The following ZNF462 variants were observed in gnomAD, a reference collection of about 807,000 sequenced individuals.
The protein encoded by ZNF462 is zinc finger protein 462.
In ZNF462, 10 loss-of-function variants were observed where a neutral mutation model predicts 201.9. The observed-to-expected ratio is 0.05, with a 90% CI of 0.03 to 0.08. The LOEUF is 0.08. Among genes scored for constraint, ZNF462 ranks in the 10% least tolerant of loss-of-function variants. The pLI is 1.00. For synonymous variants in ZNF462, 1,227 were observed against 1,193.3 expected, an observed-to-expected ratio of 1.03 and a Z score of -0.58; for missense variants, 2,523 against 3,168.3, an observed-to-expected ratio of 0.80 and a Z score of 4.89.
At chr9:106,864,627 A>C (rs1159539717) in intron 1 of ZNF462, among the ~76,000 whole-genome samples, 4 of 152,084 alleles carry the variant, frequency 2.6e-5, no homozygotes, top group Admixed American at 2.6e-4. Context: ...TGTGGCTTCT[A>C]ACCTACAGAG....
At position 106,890,186 on chromosome 9, in the gene ZNF462, A is replaced by G. The variant is rs186491248; in HGVS notation, c.-31+26831A>G. On this transcript the variant is annotated intron_variant, in intron 1 of 12. Coordinates refer to ENST00000277225, the MANE Select transcript of ZNF462 (RefSeq NM_021224.6). The surrounding 1 kb of genome is among the most constrained non-coding windows in gnomAD (Gnocchi z 4.2). ...GTGGTGGCATTTAGCTCTTTTGGCA[A>G]TAAAAACTATATGTGAGAATTTCGT... Among the ~76,000 whole-genome samples, 2 of 152,354 alleles carry G rather than the reference A, an allele frequency of 1.3e-5. No homozygotes were observed. The highest frequency in any genetic ancestry group is 2.1e-4 in the South Asian group (1 of 4,828).
Position 106,984,046 on chromosome 9 carries a change from G to A in ZNF462, c.6833-140G>A, listed in dbSNP as rs1827645338. ...TGTTTGGGGGTTAGGGGAGGGGCAG[G>A]GTGCATGTGTGTCAGTTCAAGGAAC... On this transcript the variant is annotated intron_variant, in intron 9 of 12. Transcript: ENST00000277225. This position sits in a 1 kb window ranked among gnomAD's most constrained non-coding sequence, Gnocchi z 6.4. 1.4e-6 allele frequency: 1 copy of A among 690,096 alleles called. No individual in the cohort carries two copies. The highest frequency in any genetic ancestry group is 2.4e-6 in the Non-Finnish European group (1 of 412,456). The allele number at this position is 690,096 out of a possible 1,614,324, so 42.7% of individuals were successfully genotyped here. A position where few individuals can be genotyped will look rare whatever the true frequency, so the allele number is the denominator to read the frequency against.
intron 1 of ZNF462, among the ~76,000 whole-genome samples, chr9:106,899,239 T>TGGGGGGGGG (rs71384992): frequency 1.7e-5 from 1 of 57,502 alleles, no homozygotes; most frequent in Non-Finnish European, 3.8e-5. Flanking sequence ...TGTGTGTGTG[T>TGGGGGGGGG]GGGGGGGGGG....
Position 106,927,668 on chromosome 9 carries a change from C to G in ZNF462, c.3756C>G (p.Pro1252=), listed in dbSNP as rs1453515767. ...CTGCCAGCTGCGTGCTTGTCTCCCCCTCTAATCTGGAGCGGGACAAAACGA... is the reference window on the plus strand; with the variant it reads ...CTGCCAGCTGCGTGCTTGTCTCCCCGTCTAATCTGGAGCGGGACAAAACGA... ...KKPASCVLVS[P]SNLERDKTKL... The change falls in exon 3 of 13, where the codon CCC becomes CCG. Residue 1252 remains proline, a synonymous_variant. Coordinates refer to ENST00000277225, the MANE Select transcript of ZNF462 (RefSeq NM_021224.6). 4 of 1,614,118 alleles carry G rather than the reference C, an allele frequency of 2.5e-6. No individual in the cohort carries two copies. The highest frequency in any genetic ancestry group is 1.3e-5 in the African/African-American group (1 of 75,028).
At position 106,929,492 on chromosome 9, in the gene ZNF462, G is replaced by A. The variant is rs1424587825; in HGVS notation, c.5580G>A (p.Glu1860=). 6.2e-7 allele frequency: 1 copy of A among 1,614,034 alleles called. No homozygotes were observed. The highest frequency in any genetic ancestry group is 8.5e-7 in the Non-Finnish European group (1 of 1,180,038). The change falls in exon 3 of 13, where the codon GAG becomes GAA. Residue 1860 remains glutamate, a synonymous_variant. Coordinates refer to ENST00000277225, the MANE Select transcript of ZNF462 (RefSeq NM_021224.6). This position sits in a 1 kb window ranked among gnomAD's most constrained non-coding sequence, Gnocchi z 8.7. ...KCFKLSFSTA[E]LLCMHYTDHH... ...TCAAGCTGTCCTTTAGCACTGCAGA[G>A]CTGCTGTGCATGCATTACACTGACC...
intron 7 of ZNF462, among the ~76,000 whole-genome samples, chr9:106,951,913 CTCTT>C (rs957109164): frequency 1.3e-4 from 19 of 151,150 alleles, no homozygotes; most frequent in African/African-American, 4.6e-4. Flanking sequence ...TCAAGTGTGA[CTCTT>C]TCGGTGTATT....
rs183118868 is a variant in ZNF462 at position 106,988,461 on chromosome 9, A to T, written c.7056+4052A>T. 1.9e-3 allele frequency among the ~76,000 whole-genome samples: 287 copies of T among 152,110 alleles called. 2 individuals are homozygous for T. Among genetic ancestry groups the T allele is most frequent in the African/African-American group, 6.2e-3 (257 of 41,546 alleles). ...GATTTGGGTGGGGACACAGAGCTGA[A>T]CCATATCAGTGATGTCCTCAGAGTT... On this transcript the variant is annotated intron_variant, in intron 10 of 12. Coordinates refer to ENST00000277225, the MANE Select transcript of ZNF462 (RefSeq NM_021224.6).
chr9:107,000,247 T>C (rs1181920085), intron 10 of ZNF462, among the ~76,000 whole-genome samples: 1 of 151,822 alleles, frequency 6.6e-6, no homozygotes, highest in Non-Finnish European at 1.5e-5. Context: ...TGGGCCAGAA[T>C]AACATGAGAG....
Position 106,917,916 on chromosome 9 carries a change from A to T in ZNF462, c.-30-5438A>T, listed in dbSNP as rs1217447842. On this transcript the variant is annotated intron_variant, in intron 1 of 12. Transcript: ENST00000277225. This position sits in a 1 kb window ranked among gnomAD's most constrained non-coding sequence, Gnocchi z 4.5. ...TTTTGTGACAGAGTCTCACTCTGCC[A>T]CCCAGGCTGGAGTGCAGTGGCGCGA... Among the ~76,000 whole-genome samples, 3 of 150,958 alleles carry T rather than the reference A, an allele frequency of 2.0e-5. No homozygotes were observed. The highest frequency in any genetic ancestry group is 4.9e-5 in the African/African-American group (2 of 41,050).
In ZNF462 at chr9:107,001,128, G is replaced by A. The variant is rs1829156166; in HGVS notation, c.7057-2166G>A. On this transcript the variant is annotated intron_variant, in intron 10 of 12. Coordinates refer to ENST00000277225, the MANE Select transcript of ZNF462 (RefSeq NM_021224.6). ...GAGAAGTGCAGGAGAAAGTGGCCCA[G>A]GAAAGGCTGCCTTTTATGTGCTAGT... is the stretch of plus-strand genomic sequence containing the variant. Among the ~76,000 whole-genome samples the A allele has an allele frequency of 3.3e-5, 5 of 152,194 alleles. No homozygotes were observed. In the South Asian group the frequency reaches 8.3e-4, roughly 25 times the overall value.
chr9:106,882,747 G>A (rs1370827016), intron 1 of ZNF462, among the ~76,000 whole-genome samples: 1 of 151,898 alleles, frequency 6.6e-6, no homozygotes, highest in Admixed American at 6.5e-5. Context: ...ATTGGTTCTG[G>A]AGGAAACTCA....
At chr9:106,965,831 C>G (rs1253405255) in intron 7 of ZNF462, among the ~76,000 whole-genome samples, 1 of 152,082 alleles carries the variant, frequency 6.6e-6, no homozygotes, top group African/African-American at 2.4e-5. Flanking sequence ...ATCACTGTCG[C>G]ATACATGAAA....
chr9:107,011,159 T>C lies in ZNF462; in HGVS notation c.*129T>C. ...AAAGCTGCTTTTTAGGACTGAACAA[T>C]CTATTTTCAAAGCACTGGTACCTGT... On this transcript the variant is annotated 3_prime_UTR_variant, in exon 13 of 13. Transcript: ENST00000277225. This position sits in a 1 kb window ranked among gnomAD's most constrained non-coding sequence, Gnocchi z 5.6. 1.2e-6 allele frequency: 1 copy of C among 820,704 alleles called. No individual in the cohort carries two copies. The highest frequency in any genetic ancestry group is 1.7e-5 in the African/African-American group (1 of 57,936). The allele number at this position is 820,704 out of a possible 1,614,324, so 50.8% of individuals were successfully genotyped here. A position where few individuals can be genotyped will look rare whatever the true frequency, so the allele number is the denominator to read the frequency against.
intron 7 of ZNF462, among the ~76,000 whole-genome samples, chr9:106,967,370 A>C (rs772437490): frequency 6.6e-6 from 1 of 152,028 alleles, no homozygotes; most frequent in Non-Finnish European, 1.5e-5. Flanking sequence ...TCTCAGGCTT[A>C]TGGTCCATTT....
intron 1 of ZNF462, among the ~76,000 whole-genome samples, chr9:106,887,537 T>A (rs1243913537): frequency 6.6e-6 from 1 of 152,220 alleles, no homozygotes; most frequent in Non-Finnish European, 1.5e-5. Context: ...GTTATTTTTT[T>A]AATGTTATCT....
intron 7 of ZNF462, among the ~76,000 whole-genome samples, chr9:106,942,067 C>G (rs538424661): frequency 6.6e-6 from 1 of 152,278 alleles, no homozygotes; most frequent in African/African-American, 2.4e-5. Context: ...ACACACCAAC[C>G]AAAAATGTGT....
intron 7 of ZNF462, among the ~76,000 whole-genome samples, chr9:106,957,323 A>T (rs1831624883): frequency 6.6e-6 from 1 of 152,142 alleles, no homozygotes; most frequent in South Asian, 2.1e-4. Context: ...GAACACACAC[A>T]TTTATTGATT....
chr9:106,950,708 CA>C lies in ZNF462; in HGVS notation c.6427+11602del, dbSNP rs1697085707. ...TGTTCTGTGGACAATAAAATAAGAT[CA>C]TTTTTGCTAATATGGTTACAGTATA... On this transcript the variant is annotated intron_variant, in intron 7 of 12. Transcript: ENST00000277225. The surrounding 1 kb of genome is among the most constrained non-coding windows in gnomAD (Gnocchi z 4.1). 2.0e-5 allele frequency among the ~76,000 whole-genome samples: 3 copies of C among 152,170 alleles called. No individual in the cohort carries two copies. Among genetic ancestry groups the C allele is most frequent in the Admixed American group, 2.0e-4 (3 of 15,260 alleles).
At chr9:106,906,416 A>G (rs1829277949) in intron 1 of ZNF462, among the ~76,000 whole-genome samples, 1 of 152,184 alleles carries the variant, frequency 6.6e-6, no homozygotes, top group Non-Finnish European at 1.5e-5. Context: ...CTGCCGTGAT[A>G]ACAGAGATCC....
Sources: allele counts gnomAD v4.1 joint callset (sites outside exome capture counted in the v4.1 genomes callset), GRCh38; gene constraint gnomAD v4.1.1; non-coding constraint Gnocchi (gnomAD v3.1); transcripts MANE v1.5; gene names NCBI Gene and HGNC (gene_info 2026-07-23, HGNC 2026-07-21).